The following ARHGDIB variants were observed in gnomAD, a reference collection of about 807,000 sequenced individuals.
ARHGDIB encodes the protein rho GDP-dissociation inhibitor 2.
A neutral mutation model predicts 22.6 loss-of-function variants in ARHGDIB; 20 were observed. That is an observed-to-expected ratio of 0.88 (90% CI 0.62 to 1.28). The LOEUF is 1.28. Ranked by LOEUF, ARHGDIB falls within the 50% of genes most tolerant of loss-of-function variation. ARHGDIB has a pLI of 0.00. For synonymous variants in ARHGDIB, 114 were observed against 96.1 expected (o/e 1.19, Z -1.09); for missense variants, 254 against 245.4 (o/e 1.04, Z -0.23).
intron 4 of ARHGDIB, 184 bp downstream of exon 4, chr12:14,947,689 A>C (rs779558184): frequency 5.2e-6 from 3 of 573,312 alleles, no homozygotes; most frequent in Non-Finnish European, 9.3e-6. Context: ...AGGAAAAGAC[A>C]GGAGGCAAAC....
At chr12:14,952,755 G>A (rs1431212402) in intron 1 of ARHGDIB, among the ~76,000 whole-genome samples, 1 of 152,168 alleles carries the variant, frequency 6.6e-6, no homozygotes, top group Non-Finnish European at 1.5e-5. Context: ...CCTGCTGACC[G>A]AGCATCGGAA....
At chr12:14,956,931 T>C (rs2120756666) in intron 1 of ARHGDIB, among the ~76,000 whole-genome samples, 1 of 152,364 alleles carries the variant, frequency 6.6e-6, no homozygotes, top group South Asian at 2.1e-4. Flanking sequence ...CAGTGAAATT[T>C]CCAAGACTTT....
At chr12:14,957,009 G>A (rs1864314940) in intron 1 of ARHGDIB, among the ~76,000 whole-genome samples, 1 of 152,162 alleles carries the variant, frequency 6.6e-6, no homozygotes, top group South Asian at 2.1e-4. Context: ...CATTAATGCA[G>A]CTCTAAATGA....
chr12:14,946,549 G>T lies in ARHGDIB; in HGVS notation c.342+1324C>A, dbSNP rs118114534. Among the ~76,000 whole-genome samples, 8 of 152,230 alleles carry T rather than the reference G, an allele frequency of 5.3e-5. No homozygotes were observed. The East Asian group carries it at 1.5e-3, about 29-fold the overall frequency. ...CACAGGATGGTTCAACTTTACGTAG[G>T]TTACCCAGAGAGCCATCAAACCTCT... is the stretch of plus-strand genomic sequence containing the variant. On this transcript the variant is annotated intron_variant, in intron 4 of 5. Coordinates refer to ENST00000228945, the MANE Select transcript of ARHGDIB (RefSeq NM_001175.7).
intron 1 of ARHGDIB, among the ~76,000 whole-genome samples, chr12:14,953,209 T>A (rs1237486268): frequency 1.3e-5 from 2 of 152,214 alleles, no homozygotes; most frequent in Admixed American, 6.5e-5. Flanking sequence ...ACTGTGGGAT[T>A]TCTGTACAAA....
At chr12:14,944,490 T>C (rs1401308617) in intron 5 of ARHGDIB, among the ~76,000 whole-genome samples, 1 of 152,198 alleles carries the variant, frequency 6.6e-6, no homozygotes, top group Non-Finnish European at 1.5e-5. Context: ...ATACTTTATT[T>C]CCTTTAAACT....
intron 1 of ARHGDIB, among the ~76,000 whole-genome samples, chr12:14,957,709 A>G (rs1189228099): frequency 2.6e-5 from 4 of 152,194 alleles, no homozygotes; most frequent in African/African-American, 9.6e-5. Flanking sequence ...CTGGAGCAAA[A>G]TACCACAGAG....
intron 1 of ARHGDIB, 40 bp from the exon 2 acceptor site, chr12:14,950,764 G>A: frequency 6.6e-7 from 1 of 1,516,494 alleles, no homozygotes; most frequent in Non-Finnish European, 8.8e-7. Flanking sequence ...AACAAGTCAT[G>A]AATATAAAAG....
At position 14,949,070 on chromosome 12, in the gene ARHGDIB, G is replaced by A. The variant is rs117441448; in HGVS notation, c.265+732C>T. Among the ~76,000 whole-genome samples, 5 of 152,272 alleles carry A rather than the reference G, an allele frequency of 3.3e-5. No individual in the cohort carries two copies. The East Asian group carries it at 7.7e-4, about 24-fold the overall frequency. On this transcript the variant is annotated intron_variant, in intron 3 of 5. Transcript: ENST00000228945. ...GACTTGTGCTTTGTCTGTCTCACAAGAGTCCAATTTTTTCATTTGGTAACT... is the reference window on the plus strand; with the variant it reads ...GACTTGTGCTTTGTCTGTCTCACAAAAGTCCAATTTTTTCATTTGGTAACT...
intron 1 of ARHGDIB, among the ~76,000 whole-genome samples, chr12:14,954,790 T>C (rs1457427729): frequency 1.3e-5 from 2 of 152,232 alleles, no homozygotes; most frequent in East Asian, 1.9e-4. Flanking sequence ...ATTTAAAATG[T>C]ATGTGAATCC....
intron 1 of ARHGDIB, among the ~76,000 whole-genome samples, chr12:14,957,340 C>A (rs1227444601): frequency 2.6e-5 from 4 of 152,164 alleles, no homozygotes; most frequent in African/African-American, 4.8e-5. Flanking sequence ...TCCTTCCCTG[C>A]CCCAGTGTGG....
chr12:14,949,200 C>T (rs1242613477), intron 3 of ARHGDIB, among the ~76,000 whole-genome samples: 3 of 152,168 alleles, frequency 2.0e-5, no homozygotes, highest in Non-Finnish European at 2.9e-5. Context: ...ACAATAACCC[C>T]CTTCCCAGTC....
At chr12:14,952,737 A>G (rs1864208260) in intron 1 of ARHGDIB, among the ~76,000 whole-genome samples, 1 of 152,244 alleles carries the variant, frequency 6.6e-6, no homozygotes, top group Non-Finnish European at 1.5e-5. Flanking sequence ...TGGGGGCCAC[A>G]TAACAAACCT....
chr12:14,951,554 C>T (rs1318466703), intron 1 of ARHGDIB, among the ~76,000 whole-genome samples: 2 of 151,962 alleles, frequency 1.3e-5, no homozygotes, highest in Non-Finnish European at 2.9e-5. Context: ...ATTTGTCCAT[C>T]CATTTCCCTT....
intron 1 of ARHGDIB, among the ~76,000 whole-genome samples, chr12:14,954,038 G>A (rs540835137): frequency 1.7e-4 from 25 of 151,250 alleles, no homozygotes; most frequent in African/African-American, 6.1e-4. Context: ...GAGTACAGTG[G>A]CTCTATCTTG....
chr12:14,945,429 G>T (rs1349582409), intron 4 of ARHGDIB, among the ~76,000 whole-genome samples: 1 of 152,220 alleles, frequency 6.6e-6, no homozygotes, highest in African/African-American at 2.4e-5. Flanking sequence ...TTCAGACGTT[G>T]TCTGAGATCT....
In ARHGDIB at chr12:14,942,396, C is replaced by T; in HGVS notation, c.*126G>A. Reference sequence around the variant, plus strand: ...TTGAGTGACAGGGTGGGAAAAGATGCATCAATAAGGAAATGTGGCAGTGTT... The same window carrying T: ...TTGAGTGACAGGGTGGGAAAAGATGTATCAATAAGGAAATGTGGCAGTGTT... On this transcript the variant is annotated 3_prime_UTR_variant, in exon 6 of 6. Coordinates refer to ENST00000228945, the MANE Select transcript of ARHGDIB (RefSeq NM_001175.7). 1.9e-6 allele frequency: 2 copies of T among 1,031,456 alleles called. No individual in the cohort carries two copies. The highest frequency in any genetic ancestry group is 2.0e-5 in the Admixed American group (1 of 50,208). The allele number at this position is 1,031,456 out of a possible 1,614,324, so 63.9% of individuals were successfully genotyped here. A position where few individuals can be genotyped will look rare whatever the true frequency, so the allele number is the denominator to read the frequency against.
Position 14,944,816 on chromosome 12 carries a change from G to T in ARHGDIB, c.366C>A (p.Gly122=). ...HFKVNRDIVS[G]LKYVQHTYRT... is the part of the protein sequence containing the mutation. ...TGTAGGTGTGCTGAACGTATTTCAG[G>T]CCTGACACAATATCCCTGTTCACCT... Residue 122 remains glycine (G), a synonymous_variant, in exon 5 of 6, where the codon GGC becomes GGA. Transcript: ENST00000228945. 6.2e-7 allele frequency: 1 copy of T among 1,613,602 alleles called. No homozygotes were observed. Among genetic ancestry groups the T allele is most frequent in the Non-Finnish European group, 8.5e-7 (1 of 1,179,714 alleles).
At chr12:14,958,217 C>T (rs962473376) in intron 1 of ARHGDIB, among the ~76,000 whole-genome samples, 3 of 152,086 alleles carry the variant, frequency 2.0e-5, no homozygotes, top group African/African-American at 7.2e-5. Flanking sequence ...TTCGGGATTC[C>T]ACCCTCTCCC....
Sources: allele counts gnomAD v4.1 joint callset (sites outside exome capture counted in the v4.1 genomes callset), GRCh38; gene constraint gnomAD v4.1.1; transcripts MANE v1.5; gene names NCBI Gene and HGNC (gene_info 2026-07-23, HGNC 2026-07-21).